KCNMA1: variants seen among roughly 807,000 people sequenced by gnomAD.
The protein encoded by KCNMA1 is potassium calcium-activated channel subfamily M alpha 1.
Under a neutral mutation model 140.0 loss-of-function variants are expected in KCNMA1, and 29 were observed. The observed-to-expected ratio is 0.21, with a 90% CI of 0.15 to 0.28. KCNMA1 has a LOEUF of 0.28. KCNMA1 is among the 10% of genes least tolerant of loss of function. The probability of loss-of-function intolerance (pLI) is 1.00; values close to 1 mark genes in which losing one functional copy is unlikely to be tolerated. For synonymous variants in KCNMA1, 612 were observed against 611.9 expected (o/e 1.00, Z 0.00); for missense variants, 880 against 1,602.2 (o/e 0.55, Z 7.70).
intron 5 of KCNMA1, among the ~76,000 whole-genome samples, chr10:77,149,409 T>A (rs1392465441): frequency 6.6e-6 from 1 of 152,222 alleles, no homozygotes; most frequent in Non-Finnish European, 1.5e-5. Context: ...ATGTATTTAT[T>A]TCAACATTTT....
chr10:77,082,007 C>CTTTTTTTTT (rs201288668), intron 12 of KCNMA1, among the ~76,000 whole-genome samples: 15 of 32,514 alleles, frequency 4.6e-4, no homozygotes, highest in South Asian at 2.9e-3. Flanking sequence ...TTTTTCTTTT[C>CTTTTTTTTT]TTTTTTTTTT....
intron 3 of KCNMA1, among the ~76,000 whole-genome samples, chr10:77,245,988 A>G (rs1266854716): frequency 6.6e-6 from 1 of 152,218 alleles, no homozygotes; most frequent in East Asian, 1.9e-4. Context: ...AGTGTCTTAC[A>G]TGGAAGGCCT....
chr10:77,250,725 T>G (rs944890488), intron 3 of KCNMA1: 1 of 187,342 alleles, frequency 5.3e-6, no homozygotes, highest in Non-Finnish European at 1.1e-5. Flanking sequence ...GATTGGCAGG[T>G]GAAAGGATAG....
rs115687279 is a variant in KCNMA1 at position 77,064,358 on chromosome 10, G to A, written c.1749+8739C>T. On this transcript the variant is annotated intron_variant, in intron 14 of 27. Transcript: ENST00000286628. ...ACACATGAAATGACTTTCTAATCAT[G>A]TTGGGGGAAGGAGGGAGAAGGGAAG... 5.1e-3 allele frequency among the ~76,000 whole-genome samples: 782 copies of A among 152,292 alleles called. 3 individuals are homozygous for A. The highest frequency in any genetic ancestry group is 9.1e-3 in the Non-Finnish European group (616 of 68,024).
intron 2 of KCNMA1, among the ~76,000 whole-genome samples, chr10:77,366,592 T>C (rs1455863589): frequency 6.6e-6 from 1 of 152,218 alleles, no homozygotes; most frequent in Non-Finnish European, 1.5e-5. Flanking sequence ...GTGTTGGTGA[T>C]GACAGTGATG....
At chr10:77,377,854 G>A (rs2095226137) in intron 2 of KCNMA1, among the ~76,000 whole-genome samples, 1 of 152,178 alleles carries the variant, frequency 6.6e-6, no homozygotes, top group Non-Finnish European at 1.5e-5. Flanking sequence ...TTATCACAGT[G>A]CCTAGCTCCT....
chr10:77,422,624 A>G (rs964147712), intron 1 of KCNMA1, among the ~76,000 whole-genome samples: 1 of 152,200 alleles, frequency 6.6e-6, no homozygotes, highest in African/African-American at 2.4e-5. Context: ...GGTAAGCCTT[A>G]TTTGGAAAGA....
intron 2 of KCNMA1, among the ~76,000 whole-genome samples, chr10:77,397,020 G>A (rs1170205893): frequency 1.4e-5 from 2 of 141,404 alleles, no homozygotes; most frequent in African/African-American, 2.6e-5. Context: ...AAGTTGAGGT[G>A]AGGCTGTCCT....
intron 1 of KCNMA1, among the ~76,000 whole-genome samples, chr10:77,445,197 T>C (rs1423552272): frequency 1.3e-5 from 2 of 152,100 alleles, no homozygotes; most frequent in Admixed American, 6.5e-5. Flanking sequence ...CCCCACTTTC[T>C]ATAAGGCAAG....
intron 15 of KCNMA1, 124 bp from the exon 16 acceptor site, chr10:77,028,015 G>T: frequency 1.2e-6 from 1 of 861,046 alleles, no homozygotes; most frequent in Non-Finnish European, 1.9e-6. Flanking sequence ...CATTCCACCG[G>T]CACTGTGCCA....
At chr10:76,975,057 G>T (rs1043916562) in intron 19 of KCNMA1, among the ~76,000 whole-genome samples, 1 of 152,118 alleles carries the variant, frequency 6.6e-6, no homozygotes, top group East Asian at 1.9e-4. Flanking sequence ...AACATTAAAT[G>T]CCGTGAGTTT....
chr10:77,355,383 T>C (rs887797167), intron 2 of KCNMA1, among the ~76,000 whole-genome samples: 5 of 152,338 alleles, frequency 3.3e-5, no homozygotes, highest in African/African-American at 1.2e-4. Context: ...GGAAATCAAC[T>C]TTATCAATGT....
At chr10:77,094,159 T>C (rs2096876099) in intron 9 of KCNMA1, among the ~76,000 whole-genome samples, 1 of 152,192 alleles carries the variant, frequency 6.6e-6, no homozygotes, top group Admixed American at 6.5e-5. Context: ...TAAAGTATTC[T>C]GTGGCCTATG....
At chr10:77,232,690 T>C (rs1013541785) in intron 3 of KCNMA1, among the ~76,000 whole-genome samples, 4 of 152,228 alleles carry the variant, frequency 2.6e-5, no homozygotes, top group African/African-American at 9.6e-5. Context: ...ACTTTTTCTT[T>C]TGTTGCTTTT....
At chr10:76,888,859 G>T (rs1438401013) in intron 27 of KCNMA1, among the ~76,000 whole-genome samples, 1 of 152,122 alleles carries the variant, frequency 6.6e-6, no homozygotes, top group Non-Finnish European at 1.5e-5. Context: ...GAGGTCAGGA[G>T]TTCGAGACCA....
At position 77,108,277 on chromosome 10, in the gene KCNMA1, C is replaced by T. The variant is rs2097239818; in HGVS notation, c.1223+204G>A. ...CTCAACCACATCTTTTCTGATGCAA[C>T]TGACTTACTTTCTGCCTCCATGTTT... On this transcript the variant is annotated intron_variant, in intron 9 of 27. Coordinates refer to ENST00000286628, the MANE Select transcript of KCNMA1 (RefSeq NM_001161352.2). This position sits in a 1 kb window ranked among gnomAD's most constrained non-coding sequence, Gnocchi z 4.6. The T allele has an allele frequency of 4.1e-6, 6 of 1,466,076 alleles. No individual in the cohort carries two copies. Among genetic ancestry groups the T allele is most frequent in the Non-Finnish European group, 5.4e-6 (6 of 1,115,890 alleles). The allele number at this position is 1,466,076 out of a possible 1,614,324, so 90.8% of individuals were successfully genotyped here.
intron 2 of KCNMA1, among the ~76,000 whole-genome samples, chr10:77,336,953 C>T (rs2089284659): frequency 6.6e-6 from 1 of 152,220 alleles, no homozygotes; most frequent in African/African-American, 2.4e-5. Flanking sequence ...TGGGTAGAGC[C>T]TGTGCTAGGT....
chr10:76,982,999 A>C (rs893795990), intron 19 of KCNMA1, among the ~76,000 whole-genome samples: 1 of 152,220 alleles, frequency 6.6e-6, no homozygotes, highest in African/African-American at 2.4e-5. Context: ...CTCACAGCCC[A>C]GCCAGGTAAA....
At chr10:77,233,639 T>C (rs1000439271) in intron 3 of KCNMA1, among the ~76,000 whole-genome samples, 2 of 152,182 alleles carry the variant, frequency 1.3e-5, no homozygotes, top group Non-Finnish European at 2.9e-5. Flanking sequence ...CTGGGCTCCT[T>C]AAAGTTATCT....
Sources: gnomAD v4.1 joint callset for allele counts (sites outside exome capture counted in the v4.1 genomes callset) on GRCh38, gnomAD v4.1.1 for gene constraint, Gnocchi (gnomAD v3.1) non-coding constraint, MANE v1.5 for transcripts, NCBI Gene and HGNC (gene_info 2026-07-23, HGNC 2026-07-21) for gene names.